Variants in MAF observed in about 807,000 individuals in gnomAD.
MAF encodes transcription factor Maf.
A neutral mutation model predicts 22.0 loss-of-function variants in MAF; 10 were observed. The observed-to-expected ratio is 0.45, with a 90% CI of 0.28 to 0.77. MAF has a LOEUF of 0.77. Ranked by LOEUF, MAF falls within the 30% of genes least tolerant of loss-of-function variation. MAF has a pLI of 0.12. For missense variants in MAF, 544 were observed against 548.4 expected (o/e 0.99, Z 0.08); for synonymous variants, 337 against 255.8 (o/e 1.32, Z -3.03).
At chr16:79,336,324 A>G in the MAF span, among the ~76,000 whole-genome samples, 898 of 152,336 alleles carry the variant, frequency 5.9e-3, 30 homozygotes, top group Admixed American at 0.051. Context: ...CTCATTTTGT[A>G]AAGGAGCGAA....
chr16:79,214,990 G>A, the MAF span, among the ~76,000 whole-genome samples: 1 of 152,090 alleles, frequency 6.6e-6, no homozygotes, highest in East Asian at 1.9e-4. Context: ...GATTACAGGT[G>A]TGAGCTACCA....
the MAF span, among the ~76,000 whole-genome samples, chr16:79,383,212 C>A: frequency 6.6e-6 from 1 of 152,042 alleles, no homozygotes; most frequent in African/African-American, 2.4e-5. Context: ...CCAACTGAAA[C>A]CCTGGACTGG....
chr16:79,375,329 C>T, the MAF span, among the ~76,000 whole-genome samples: 1 of 152,184 alleles, frequency 6.6e-6, no homozygotes, highest in Non-Finnish European at 1.5e-5. Flanking sequence ...CCCTCCTCTC[C>T]TCCTAAAGTT....
the MAF span, among the ~76,000 whole-genome samples, chr16:79,561,452 G>C: frequency 6.6e-6 from 1 of 151,332 alleles, no homozygotes; most frequent in Non-Finnish European, 1.5e-5. Flanking sequence ...ATCTCCTAAT[G>C]CTATCCCTCC....
chr16:79,446,779 A>G, the MAF span, among the ~76,000 whole-genome samples: 1 of 151,918 alleles, frequency 6.6e-6, no homozygotes, highest in African/African-American at 2.4e-5. Context: ...CACAGTGGTA[A>G]GCACCTCTAG....
the MAF span, among the ~76,000 whole-genome samples, chr16:79,443,309 G>A: frequency 6.6e-6 from 1 of 152,124 alleles, no homozygotes. Context: ...CAACCCCCAT[G>A]GCACCCCAAC....
At chr16:79,260,436 G>C in the MAF span, among the ~76,000 whole-genome samples, 1 of 142,408 alleles carries the variant, frequency 7.0e-6, no homozygotes, top group Non-Finnish European at 1.6e-5. Flanking sequence ...ACAGATGTGA[G>C]CCACCATGCC....
the MAF span, among the ~76,000 whole-genome samples, chr16:79,323,725 A>T: frequency 6.6e-6 from 1 of 152,174 alleles, no homozygotes; most frequent in African/African-American, 2.4e-5. Flanking sequence ...CTCCCCTCAC[A>T]CCGGGCATCT....
At chr16:79,435,180 CCATA>C in the MAF span, among the ~76,000 whole-genome samples, 2 of 152,102 alleles carry the variant, frequency 1.3e-5, no homozygotes, top group African/African-American at 4.8e-5. Context: ...GGACACACGT[CCATA>C]TATACACACA....
chr16:79,211,924 T>C, the MAF span: 1 of 1,540,012 alleles, frequency 6.5e-7, no homozygotes, highest in East Asian at 2.4e-5. Flanking sequence ...ATAAGAGCAG[T>C]CACAACAGAG....
the MAF span, among the ~76,000 whole-genome samples, chr16:79,549,332 T>C: frequency 6.6e-6 from 1 of 152,042 alleles, no homozygotes; most frequent in African/African-American, 2.4e-5. Flanking sequence ...GCTGGGGAAA[T>C]GATACAAGGT....
At chr16:79,243,372 G>A in the MAF span, among the ~76,000 whole-genome samples, 1 of 151,690 alleles carries the variant, frequency 6.6e-6, no homozygotes, top group East Asian at 1.9e-4. Context: ...AATAAAAAAT[G>A]AAAAAGGGGA....
At chr16:79,297,483 A>G in the MAF span, among the ~76,000 whole-genome samples, 1 of 152,212 alleles carries the variant, frequency 6.6e-6, no homozygotes, top group South Asian at 2.1e-4. Flanking sequence ...ACGAGGAAGT[A>G]GCATCCCAAG....
At chr16:79,216,858 G>A in the MAF span, among the ~76,000 whole-genome samples, 5 of 149,694 alleles carry the variant, frequency 3.3e-5, no homozygotes, top group Non-Finnish European at 5.9e-5. Context: ...CACCCAGGCT[G>A]GAGTGCAGCG....
chr16:79,414,646 C>T, the MAF span, among the ~76,000 whole-genome samples: 1 of 152,094 alleles, frequency 6.6e-6, no homozygotes, highest in Non-Finnish European at 1.5e-5. Flanking sequence ...GCTCAAGGAG[C>T]TTGAAAGCTG....
At chr16:79,389,912 G>A in the MAF span, among the ~76,000 whole-genome samples, 120 of 134,974 alleles carry the variant, frequency 8.9e-4, no homozygotes, top group Non-Finnish European at 1.4e-3. Flanking sequence ...GGAGGCGGAG[G>A]TTGCAGTGAG....
the MAF span, among the ~76,000 whole-genome samples, chr16:79,475,541 T>C: frequency 1.3e-5 from 2 of 152,144 alleles, no homozygotes; most frequent in Non-Finnish European, 2.9e-5. Context: ...TCTATCCATC[T>C]GTCTGTCTGT....
chr16:79,392,468 T>G, the MAF span, among the ~76,000 whole-genome samples: 10 of 128,058 alleles, frequency 7.8e-5, no homozygotes, highest in African/African-American at 1.2e-4. Context: ...AAGGGAGTGA[T>G]GAGAGAAGGA....
chr16:79,374,512 C>G, the MAF span, among the ~76,000 whole-genome samples: 1 of 152,162 alleles, frequency 6.6e-6, no homozygotes, highest in Non-Finnish European at 1.5e-5. Context: ...GCAAGAACCC[C>G]TTTTTTGTAT....
Sources: gnomAD v4.1 joint callset for allele counts (sites outside exome capture counted in the v4.1 genomes callset) on GRCh38, gnomAD v4.1.1 for gene constraint, MANE v1.5 for transcripts, NCBI Gene and HGNC (gene_info 2026-07-23, HGNC 2026-07-21) for gene names.